IRF6: variants seen among roughly 807,000 people sequenced by gnomAD.
The protein encoded by IRF6 is Van der Woude syndrome.
A neutral mutation model predicts 51.4 loss-of-function variants in IRF6; 6 were observed. The ratio of observed to expected loss-of-function variants is 0.12; its 90% CI spans 0.06 to 0.23. The LOEUF is 0.23. Among genes scored for constraint, IRF6 ranks in the 10% least tolerant of loss-of-function variants. IRF6 has a pLI of 1.00. For synonymous variants in IRF6, 178 were observed against 215.7 expected, an observed-to-expected ratio of 0.83 and a Z score of 1.53; for missense variants, 348 against 585.2, an observed-to-expected ratio of 0.59 and a Z score of 4.18.
Position 209,788,437 on chromosome 1 carries a change from C to G in IRF6, c.1387G>C (p.Ala463Pro). ...ATTCACAATTACTGGGGAGGCAGGG[C>G]AGGGGGCAGTTGCATGCTGGGGGTG... ...QPTPSMQLPPALPPQ is the reference protein window; with the variant it reads ...QPTPSMQLPPPLPPQ Residue 463 changes from alanine to proline, a missense_variant, in exon 9 of 9, where the codon GCC becomes CCC. By Grantham distance (27) the Ala-to-Pro change is conservative (BLOSUM62 -1). Around this residue, in one of 5 missense-constraint regions of IRF6, gnomAD observed 48 missense variants for 66.9 expected, o/e 0.72. Transcript: ENST00000367021. 6.2e-7 allele frequency: 1 copy of G among 1,610,032 alleles called. No individual in the cohort carries two copies. The highest frequency in any genetic ancestry group is 8.5e-7 in the Non-Finnish European group (1 of 1,176,908).
Position 209,788,585 on chromosome 1 carries a change from G to A in IRF6, c.1239C>T (p.Ser413=). The change falls in exon 9 of 9, where the codon TCC becomes TCT. Residue 413 remains serine (S), a synonymous_variant. Transcript: ENST00000367021. ...YEMFSGDFTR[S]FDSGSVRLQI... ...GCAGGCGGACACTGCCACTATCAAA[G>A]GATCGTGTGAAATCACCAGAAAACA... 3 of 1,614,168 alleles carry A rather than the reference G, an allele frequency of 1.9e-6. No individual in the cohort carries two copies. Among genetic ancestry groups the A allele is most frequent in the Non-Finnish European group, 2.5e-6 (3 of 1,180,042 alleles).
rs150665632 is a variant in IRF6, at chr1:209,786,757, G to A, written c.*1663C>T. 1 of 152,230 alleles carries A rather than the reference G, an allele frequency of 6.6e-6. No homozygotes were observed. Among genetic ancestry groups the A allele is most frequent in the African/African-American group, 2.4e-5 (1 of 41,506 alleles). 9.4% of individuals were successfully genotyped at this position (152,230 alleles called of 1,614,324 possible). Reference sequence around the variant, plus strand: ...TAGAAACTCTAAAACCAAGGCTTAAGCACTTTAAATAAATAAGTCCTCATG... The same window carrying A: ...TAGAAACTCTAAAACCAAGGCTTAAACACTTTAAATAAATAAGTCCTCATG... On this transcript the variant is annotated 3_prime_UTR_variant, in exon 9 of 9. Coordinates refer to ENST00000367021, the MANE Select transcript of IRF6 (RefSeq NM_006147.4).
chr1:209,798,199 C>T lies in IRF6; in HGVS notation c.175-1647G>A, dbSNP rs1204230083. On this transcript the variant is annotated intron_variant, in intron 3 of 8. Coordinates refer to ENST00000367021, the MANE Select transcript of IRF6 (RefSeq NM_006147.4). ...AAGAAGTTTGACAACATTCTGCTGC[C>T]CCAGGTGGCTGAGCAGACACTAGGG... is the stretch of plus-strand genomic sequence containing the variant. Among the ~76,000 whole-genome samples the T allele has an allele frequency of 2.0e-5, 3 of 152,194 alleles. No homozygotes were observed. In the East Asian group the frequency reaches 5.8e-4, roughly 29 times the overall value.
rs750404886 is a variant in IRF6 at position 209,795,303 on chromosome 1, G to A, written c.495C>T (p.Phe165=). 6.2e-7 allele frequency: 1 copy of A among 1,614,068 alleles called. No homozygotes were observed. Among genetic ancestry groups the A allele is most frequent in the Non-Finnish European group, 8.5e-7 (1 of 1,180,024 alleles). ...HHVPIQDTFP[F]LNINGSPMAP... is the part of the protein sequence containing the mutation. ...ATCCCCACTCACCATTGATGTTCAGGAAGGGGAAGGTGTCCTGGATGGGAA... is the reference window on the plus strand; with the variant it reads ...ATCCCCACTCACCATTGATGTTCAGAAAGGGGAAGGTGTCCTGGATGGGAA... The change falls in exon 5 of 9, where the codon TTC becomes TTT. Residue 165 remains phenylalanine, a synonymous_variant. Coordinates refer to ENST00000367021, the MANE Select transcript of IRF6 (RefSeq NM_006147.4).
At chr1:209,792,217 G>A (rs79097461) in intron 6 of IRF6, 52 bp downstream of exon 6, 1 of 1,558,604 alleles carries the variant, frequency 6.4e-7, no homozygotes, top group Non-Finnish European at 8.9e-7. Context: ...GGACAGGAAA[G>A]AGTCTATAAT....
chr1:209,788,010 TAGA>T lies in IRF6; in HGVS notation c.*407_*409del, dbSNP rs890614918. The T allele has an allele frequency of 4.1e-6, 1 of 241,546 alleles. No homozygotes were observed. Among genetic ancestry groups the T allele is most frequent in the African/African-American group, 2.3e-5 (1 of 43,380 alleles). The allele number at this position is 241,546 out of a possible 1,614,324, so 15.0% of individuals were successfully genotyped here. A position where few individuals can be genotyped will look rare whatever the true frequency, so the allele number is the denominator to read the frequency against. On this transcript the variant is annotated 3_prime_UTR_variant, in exon 9 of 9. Transcript: ENST00000367021. The stretch of plus-strand genomic sequence containing the variant: ...TCCAGGCAGTTTAGCCTTGTACAAG[TAGA>T]AGAAGGTCATTGAGTCCGTTCTAAA...
chr1:209,801,197 A>T (rs1377586644), intron 3 of IRF6, 43 bp downstream of exon 3: 1 of 1,537,658 alleles, frequency 6.5e-7, no homozygotes, highest in South Asian at 1.2e-5. Flanking sequence ...AAAAAAAAAA[A>T]AAAAAAATCC....
intron 3 of IRF6, among the ~76,000 whole-genome samples, chr1:209,798,412 G>A (rs2077917822): frequency 6.6e-6 from 1 of 152,188 alleles, no homozygotes; most frequent in African/African-American, 2.4e-5. Context: ...GCTGACTCGG[G>A]CTATGAAGAC....
chr1:209,788,080 A>G lies in IRF6; in HGVS notation c.*340T>C. 1 of 331,688 alleles carries G rather than the reference A, an allele frequency of 3.0e-6. No homozygotes were observed. The highest frequency in any genetic ancestry group is 7.3e-5 in the East Asian group (1 of 13,710). The allele number at this position is 331,688 out of a possible 1,614,324, so 20.5% of individuals were successfully genotyped here. A position where few individuals can be genotyped will look rare whatever the true frequency, so the allele number is the denominator to read the frequency against. ...GGCACTACTCCAATCTCTTCACTTT[A>G]TAAGCAATAAATCTGAAGCCCAGAG... On this transcript the variant is annotated 3_prime_UTR_variant, in exon 9 of 9. Transcript: ENST00000367021.
At chr1:209,797,278 G>A (rs750983886) in intron 3 of IRF6, among the ~76,000 whole-genome samples, 1 of 140,526 alleles carries the variant, frequency 7.1e-6, no homozygotes, top group Non-Finnish European at 1.5e-5. Context: ...GCTGAGGCAG[G>A]AGAATCACTT....
chr1:209,796,275 T>C lies in IRF6; in HGVS notation c.379+73A>G, dbSNP rs1235541024. ...CTGTGTAAATCAGGCTGTTTTCAAG[T>C]TGACTATCTCTTAAGAGTGCAGCCC... On this transcript the variant is annotated intron_variant, in intron 4 of 8. Transcript: ENST00000367021. The surrounding 1 kb of genome is among the most constrained non-coding windows in gnomAD (Gnocchi z 4.5). 2 of 1,284,100 alleles carry C rather than the reference T, an allele frequency of 1.6e-6. No homozygotes were observed. The highest frequency in any genetic ancestry group is 2.3e-6 in the Non-Finnish European group (2 of 887,132). The allele number at this position is 1,284,100 out of a possible 1,614,324, so 79.5% of individuals were successfully genotyped here.
Position 209,789,908 on chromosome 1 carries a change from A to C in IRF6, c.1061-123T>G, listed in dbSNP as rs544410818. The C allele has an allele frequency of 2.3e-4, 166 of 728,298 alleles. 1 individual carries two copies. The highest frequency in any genetic ancestry group is 3.9e-4 in the Non-Finnish European group (158 of 407,024). The allele number at this position is 728,298 out of a possible 1,614,324, so 45.1% of individuals were successfully genotyped here. On this transcript the variant is annotated intron_variant, in intron 7 of 8. Coordinates refer to ENST00000367021, the MANE Select transcript of IRF6 (RefSeq NM_006147.4). Reference sequence around the variant, plus strand: ...CACATGTGCTCACTAGTTTTAAATTAATTAAACAGTTCCTGGGTCACATTA... The same window carrying C: ...CACATGTGCTCACTAGTTTTAAATTCATTAAACAGTTCCTGGGTCACATTA...
In IRF6 at chr1:209,790,842, C is replaced by G; in HGVS notation, c.713G>C (p.Gly238Ala). ...AGGGTTGCTCACGGTCATGGTCTGC[C>G]CGTACTCCTTCCCACGGTACTGAAA... ...IKFQYRGKEYGQTMTVSNPQG... is the reference protein window; with the variant it reads ...IKFQYRGKEYAQTMTVSNPQG... Residue 238 changes from glycine to alanine, a missense_variant, in exon 7 of 9, where the codon GGG becomes GCG. By Grantham distance (60) the Gly-to-Ala change is moderately conservative (BLOSUM62 0). Coordinates refer to ENST00000367021, the MANE Select transcript of IRF6 (RefSeq NM_006147.4). The surrounding 1 kb of genome is among the most constrained non-coding windows in gnomAD (Gnocchi z 4.8). 1.2e-6 allele frequency: 2 copies of G among 1,613,478 alleles called. No homozygotes were observed. Among genetic ancestry groups the G allele is most frequent in the Non-Finnish European group, 1.7e-6 (2 of 1,180,034 alleles).
At chr1:209,794,769 T>C (rs532464343) in intron 5 of IRF6, among the ~76,000 whole-genome samples, 1 of 152,312 alleles carries the variant, frequency 6.6e-6, no homozygotes, top group African/African-American at 2.4e-5. Flanking sequence ...CCTAGGAAGC[T>C]GGATTCAAAA....
intron 2 of IRF6, 125 bp downstream of exon 2, chr1:209,801,847 C>T (rs2077945484): frequency 6.5e-6 from 1 of 154,704 alleles, no homozygotes; most frequent in Non-Finnish European, 1.4e-5. Flanking sequence ...GAGAAGGTGA[C>T]ACATGTTCTC....
In IRF6 at chr1:209,799,884, T is replaced by C. The variant is rs149338075; in HGVS notation, c.174+1356A>G. Among the ~76,000 whole-genome samples the C allele has an allele frequency of 9.2e-5, 14 of 152,364 alleles. 1 individual carries two copies. The highest frequency in any genetic ancestry group is 1.8e-4 in the Non-Finnish European group (12 of 68,038). ...TTAGATTTTCTAAATACCTTCTAAG[T>C]ACCTTCAGGTCAATATTCTCTCTGC... On this transcript the variant is annotated intron_variant, in intron 3 of 8. Coordinates refer to ENST00000367021, the MANE Select transcript of IRF6 (RefSeq NM_006147.4).
At chr1:209,793,004 A>G (rs1324705004) in intron 5 of IRF6, 1 of 153,134 alleles carries the variant, frequency 6.5e-6, no homozygotes, top group Non-Finnish European at 1.5e-5. Context: ...TATGAATGTA[A>G]ACCATGTGAA....
At position 209,796,228 on chromosome 1, in the gene IRF6, T is replaced by C; in HGVS notation, c.379+120A>G. ...TCTGGGTCCTTCCCAGAGAAAGGCT[T>C]TCTTGCTTTATCCATCTTAAACTGT... is the stretch of plus-strand genomic sequence containing the variant. On this transcript the variant is annotated intron_variant, in intron 4 of 8. Transcript: ENST00000367021. The surrounding 1 kb of genome is among the most constrained non-coding windows in gnomAD (Gnocchi z 4.5). 2.4e-6 allele frequency: 2 copies of C among 825,954 alleles called. No homozygotes were observed. Among genetic ancestry groups the C allele is most frequent in the Non-Finnish European group, 3.8e-6 (2 of 520,378 alleles). 51.2% of individuals were successfully genotyped at this position (825,954 alleles called of 1,614,324 possible).
At position 209,790,069 on chromosome 1, in the gene IRF6, T is replaced by TA. The variant is rs1246110157; in HGVS notation, c.1061-285dup. 1.3e-5 allele frequency among the ~76,000 whole-genome samples: 2 copies of TA among 152,342 alleles called. No homozygotes were observed. The highest frequency in any genetic ancestry group is 2.1e-4 in the South Asian group (1 of 4,828). ...ATGACTTGCAGTTCAAACCACATTG[T>TA]AAAAAATTGACATCACGGTGCTTTC... On this transcript the variant is annotated intron_variant, in intron 7 of 8. Transcript: ENST00000367021. This position sits in a 1 kb window ranked among gnomAD's most constrained non-coding sequence, Gnocchi z 4.8.
Sources: allele counts gnomAD v4.1 joint callset (sites outside exome capture counted in the v4.1 genomes callset), GRCh38; gene constraint gnomAD v4.1.1; regional missense constraint gnomAD v4.1.1; non-coding constraint Gnocchi (gnomAD v3.1); transcripts MANE v1.5; gene names NCBI Gene and HGNC (gene_info 2026-07-23, HGNC 2026-07-21).